The following ABCC12 variants were observed in gnomAD, a reference collection of about 807,000 sequenced individuals.
ABCC12 encodes ATP-binding cassette sub-family C member 12.
In ABCC12, 142 loss-of-function variants were observed where a neutral mutation model predicts 151.1. The ratio of observed to expected loss-of-function variants is 0.94; its 90% CI spans 0.82 to 1.08. ABCC12 has a LOEUF of 1.08. Ranked by LOEUF, ABCC12 falls within the 50% of genes least tolerant of loss-of-function variation. The probability of loss-of-function intolerance (pLI) is 0.00; values close to 1 mark genes in which losing one functional copy is unlikely to be tolerated. For missense variants in ABCC12, 1,638 were observed against 1,691.1 expected (o/e 0.97, Z 0.55); for synonymous variants, 645 against 646.4 (o/e 1.00, Z 0.03).
rs1964807255 is a variant in ABCC12, at chr16:48,141,334, C to T, written c.295G>A (p.Glu99Lys). The change falls in exon 5 of 31, where the codon GAA becomes AAA. Residue 99 changes from glutamate to lysine, a missense_variant. Transcript: ENST00000311303. Reference protein sequence around the residue: ...NAKRFRVLWDEEVARVGPEKA... With the variant: ...NAKRFRVLWDKEVARVGPEKA... ...TCAGGACCCACCCTTGCTACCTCTT[C>T]ATCCCAAAGGACTCGAAATCTGTGA... 1.2e-6 allele frequency: 2 copies of T among 1,614,068 alleles called. No homozygotes were observed. Among genetic ancestry groups the T allele is most frequent in the Admixed American group, 1.7e-5 (1 of 60,014 alleles).
chr16:48,083,645 C>G lies in ABCC12; in HGVS notation c.*70G>C. On this transcript the variant is annotated 3_prime_UTR_variant, in exon 31 of 31. Transcript: ENST00000311303. The stretch of plus-strand genomic sequence containing the variant: ...GGGCTGCCTGCGGAGAGGACAGCCC[C>G]TCCTCCTGAAGACTCCTCCTATTCA... 2.0e-6 allele frequency: 3 copies of G among 1,515,386 alleles called. No homozygotes were observed. In the South Asian group the frequency reaches 3.4e-5, roughly 17 times the overall value. 93.9% of individuals were successfully genotyped at this position (1,515,386 alleles called of 1,614,324 possible).
chr16:48,128,405 C>A, intron 11 of ABCC12, 54 bp downstream of exon 11: 1 of 1,594,570 alleles, frequency 6.3e-7, no homozygotes, highest in Middle Eastern at 1.9e-4. Flanking sequence ...AAGGCTGTAG[C>A]TATGTAATGC....
intron 2 of ABCC12, among the ~76,000 whole-genome samples, chr16:48,152,126 T>G (rs1965125026): frequency 6.6e-6 from 1 of 152,194 alleles, no homozygotes; most frequent in South Asian, 2.1e-4. Context: ...GACTTCCATT[T>G]GTTTGTTTAC....
At chr16:48,137,203 C>T (rs1388854572) in intron 8 of ABCC12, among the ~76,000 whole-genome samples, 2 of 152,064 alleles carry the variant, frequency 1.3e-5, no homozygotes, top group Admixed American at 1.3e-4. Context: ...AGATGGCTTC[C>T]GGATATACTC....
rs138158238 is a variant in ABCC12 at position 48,085,060 on chromosome 16, C to G, written c.3828+533G>C. On this transcript the variant is annotated intron_variant, in intron 29 of 30. Transcript: ENST00000311303. ...CATCAGATCCACGCCGGCCCCTCTC[C>G]CCTGACATTAGCACATCTAGAGAAT... Among the ~76,000 whole-genome samples the G allele has an allele frequency of 4.1e-4, 63 of 152,180 alleles. No homozygotes were observed. The East Asian group carries it at 0.01, about 25-fold the overall frequency.
Position 48,083,208 on chromosome 16 carries a change from G to T in ABCC12, c.*507C>A, listed in dbSNP as rs1962420521. ...AATTTTTGGCCAAACACTGTATTCA[G>T]TCTTTCACGCTACAAATCTGTGTCA... On this transcript the variant is annotated 3_prime_UTR_variant, in exon 31 of 31. Coordinates refer to ENST00000311303, the MANE Select transcript of ABCC12 (RefSeq NM_001393797.1). The T allele has an allele frequency of 2.0e-5, 3 of 153,636 alleles. No individual in the cohort carries two copies. The allele number at this position is 153,636 out of a possible 1,614,324, so 9.5% of individuals were successfully genotyped here.
In ABCC12 at chr16:48,105,165, A is replaced by G; in HGVS notation, c.2647T>C (p.Ser883Pro). The G allele has an allele frequency of 6.2e-7, 1 of 1,614,134 alleles. No homozygotes were observed. The highest frequency in any genetic ancestry group is 8.5e-7 in the Non-Finnish European group (1 of 1,180,018). Residue 883 changes from serine to proline, a missense_variant, in exon 21 of 31, where the codon TCT (serine) becomes CCT (proline). By Grantham distance (74) the Ser-to-Pro change is moderately conservative (BLOSUM62 -1). Coordinates refer to ENST00000311303, the MANE Select transcript of ABCC12 (RefSeq NM_001393797.1). ...TTATCAAACACCGTGTCATGCAGAG[A>G]GGAGGATGCCATCAGTGTGGTCTTG... ...FTKTTLMASSSLHDTVFDKIL... is the reference protein window; with the variant it reads ...FTKTTLMASSPLHDTVFDKIL...
At chr16:48,146,179 TG>T in intron 3 of ABCC12, 126 bp downstream of exon 3, 1 of 805,150 alleles carries the variant, frequency 1.2e-6, no homozygotes, top group Non-Finnish European at 2.1e-6. Context: ...AACGTGTGCA[TG>T]GGTGGACGGA....
rs1299644338 is a variant in ABCC12 at position 48,121,699 on chromosome 16, T to A, written c.1712+17A>T. 6.2e-7 allele frequency: 1 copy of A among 1,613,962 alleles called. No homozygotes were observed. The highest frequency in any genetic ancestry group is 1.6e-4 in the Middle Eastern group (1 of 6,062). ...ACCAAACACAAATGTGCCTCCTGCT[T>A]TAAAAGTTAATATTACCTTTGGTGA... is the stretch of plus-strand genomic sequence containing the variant. On this transcript the variant is annotated intron_variant, in intron 13 of 30. Coordinates refer to ENST00000311303, the MANE Select transcript of ABCC12 (RefSeq NM_001393797.1).
In ABCC12 at chr16:48,146,354, C is replaced by G. The variant is rs1965001442; in HGVS notation, c.71G>C (p.Arg24Thr). Residue 24 changes from arginine (R) to threonine (T), a missense_variant, in exon 3 of 31, where the codon AGA (arginine) becomes ACA (threonine). Coordinates refer to ENST00000311303, the MANE Select transcript of ABCC12 (RefSeq NM_001393797.1). The part of the protein sequence containing the change: ...QRGRRRSFAE[R>T]YDPSLKTMIP... ...CATGGTCTTCAGGCTGGGGTCATAT[C>G]TTTCTGCAAAGGATCTCCGCCGGCC... 6.2e-7 allele frequency: 1 copy of G among 1,614,190 alleles called. No individual in the cohort carries two copies. The highest frequency in any genetic ancestry group is 1.3e-5 in the African/African-American group (1 of 75,048).
chr16:48,141,491 G>A (rs919778774), intron 4 of ABCC12, 138 bp from the exon 5 acceptor site: 9 of 1,135,888 alleles, frequency 7.9e-6, no homozygotes, highest in Admixed American at 4.7e-5. Context: ...CACTGGCTCA[G>A]CTTTCTGCTC....
chr16:48,084,624 C>T (rs1962504382), intron 29 of ABCC12, among the ~76,000 whole-genome samples: 2 of 152,222 alleles, frequency 1.3e-5, no homozygotes, highest in Non-Finnish European at 2.9e-5. Flanking sequence ...ACAGCTCCTT[C>T]TCTCTTTGAC....
intron 21 of ABCC12, 33 bp from the exon 22 acceptor site, chr16:48,104,401 G>A (rs762142138): frequency 2.4e-5 from 38 of 1,592,670 alleles, no homozygotes; most frequent in Non-Finnish European, 2.9e-5. Context: ...AAACAGAGTC[G>A]AGATGCGTGC....
At chr16:48,113,707 C>A (rs2150621975) in intron 15 of ABCC12, among the ~76,000 whole-genome samples, 1 of 152,256 alleles carries the variant, frequency 6.6e-6, no homozygotes, top group South Asian at 2.1e-4. Flanking sequence ...TTCCAACTTG[C>A]AAAAAGTTGG....
At chr16:48,096,584 C>G (rs1006994736) in intron 24 of ABCC12, among the ~76,000 whole-genome samples, 162 bp downstream of exon 24, 18 of 152,178 alleles carry the variant, frequency 1.2e-4, no homozygotes, top group African/African-American at 4.3e-4. Flanking sequence ...GCCTGAAGTC[C>G]ACACAACCAT....
chr16:48,110,268 A>G (rs1963639588), intron 18 of ABCC12, among the ~76,000 whole-genome samples: 1 of 152,156 alleles, frequency 6.6e-6, no homozygotes, highest in African/African-American at 2.4e-5. Flanking sequence ...TGGAATCTGG[A>G]TGTGCCTTCC....
At position 48,089,109 on chromosome 16, in the gene ABCC12, G is replaced by A. The variant is rs116134731; in HGVS notation, c.3286-375C>T. On this transcript the variant is annotated intron_variant, in intron 25 of 30. Transcript: ENST00000311303. ...GAGAATCAAGTCCAGAGCCCTCCAGGTTGGGGGAATAGCTAGCACAAAGGC... is the reference window on the plus strand; with the variant it reads ...GAGAATCAAGTCCAGAGCCCTCCAGATTGGGGGAATAGCTAGCACAAAGGC... 8.0e-3 allele frequency among the ~76,000 whole-genome samples: 1,224 copies of A among 152,276 alleles called. 18 individuals carry two copies. Among genetic ancestry groups the A allele is most frequent in the African/African-American group, 0.029 (1,184 of 41,512 alleles).
chr16:48,154,474 G>A (rs1171080256), intron 1 of ABCC12, among the ~76,000 whole-genome samples: 3 of 152,062 alleles, frequency 2.0e-5, no homozygotes, highest in South Asian at 4.1e-4. Flanking sequence ...AGCCCCTCCT[G>A]GGCAGGGTAT....
At chr16:48,088,787 A>T in intron 25 of ABCC12, 53 bp from the exon 26 acceptor site, 1 of 1,452,916 alleles carries the variant, frequency 6.9e-7, no homozygotes, top group Non-Finnish European at 9.5e-7. Flanking sequence ...TTTTTCACTT[A>T]TTTAACTAAT....
Sources: gnomAD v4.1 joint callset for allele counts (sites outside exome capture counted in the v4.1 genomes callset) on GRCh38, gnomAD v4.1.1 for gene constraint, MANE v1.5 for transcripts, NCBI Gene and HGNC (gene_info 2026-07-23, HGNC 2026-07-21) for gene names.